NAB2: variants seen among roughly 807,000 people sequenced by gnomAD.
NAB2 encodes NGFI-A binding protein 2.
Under a neutral mutation model 44.2 loss-of-function variants are expected in NAB2, and 9 were observed. That is an observed-to-expected ratio of 0.20 (90% CI 0.12 to 0.36). The LOEUF is 0.36. NAB2 is among the 10% of genes least tolerant of loss of function. NAB2 has a pLI of 1.00. For synonymous variants in NAB2, 342 were observed against 291.0 expected, an observed-to-expected ratio of 1.18 and a Z score of -1.78; for missense variants, 514 against 709.0, an observed-to-expected ratio of 0.73 and a Z score of 3.12.
intron 2 of NAB2, 99 bp from the exon 3 acceptor site, chr12:57,092,348 GA>G: frequency 6.7e-7 from 1 of 1,492,620 alleles, no homozygotes; most frequent in East Asian, 2.3e-5. Context: ...GCGTCTGATG[GA>G]TGGGCCTCAT....
chr12:57,094,765 C>T lies in NAB2; in HGVS notation c.*44C>T. ...CAGACCCAGGACCTCAGACTTCTGG[C>T]TCACACAGACCCCCACGCTCTCCAT... On this transcript the variant is annotated 3_prime_UTR_variant, in exon 7 of 7. Coordinates refer to ENST00000300131, the MANE Select transcript of NAB2 (RefSeq NM_005967.4). The T allele has an allele frequency of 6.8e-7, 1 of 1,466,054 alleles. No homozygotes were observed. Among genetic ancestry groups the T allele is most frequent in the Non-Finnish European group, 9.3e-7 (1 of 1,078,574 alleles). The allele number at this position is 1,466,054 out of a possible 1,614,324, so 90.8% of individuals were successfully genotyped here. A position where few individuals can be genotyped will look rare whatever the true frequency, so the allele number is the denominator to read the frequency against.
At chr12:57,090,629 C>G (rs1475438801) in intron 1 of NAB2, among the ~76,000 whole-genome samples, 1 of 152,248 alleles carries the variant, frequency 6.6e-6, no homozygotes, top group Non-Finnish European at 1.5e-5. Context: ...GGCCCCTTCA[C>G]AGGGAATGAA....
At chr12:57,094,571 A>T in intron 6 of NAB2, 41 bp from the exon 7 acceptor site, 1 of 1,469,466 alleles carries the variant, frequency 6.8e-7, no homozygotes, top group Non-Finnish European at 9.3e-7. Context: ...GTCTGCAGCC[A>T]GTCACCCTGC....
Position 57,093,604 on chromosome 12 carries a change from G to GCAGC in NAB2, c.1468+11_1468+14dup. 6.7e-7 allele frequency: 1 copy of GCAGC among 1,500,734 alleles called. No individual in the cohort carries two copies. The highest frequency in any genetic ancestry group is 8.9e-7 in the Non-Finnish European group (1 of 1,124,490). 93.0% of individuals were successfully genotyped at this position (1,500,734 alleles called of 1,614,324 possible). On this transcript the variant is annotated splice_region_variant and intron_variant, in intron 6 of 6. Transcript: ENST00000300131. ...TGCGAAGCCACCTCTCGCAGGTGAG[G>GCAGC]CAGCCAGCAGTGCTGTCCCCAAGCA... is the stretch of plus-strand genomic sequence containing the variant.
At position 57,091,638 on chromosome 12, in the gene NAB2, A is replaced by G. The variant is rs781707536; in HGVS notation, c.597A>G (p.Gly199=). The G allele has an allele frequency of 3.7e-6, 6 of 1,606,446 alleles. No individual in the cohort carries two copies. In the South Asian group the frequency reaches 6.6e-5, roughly 18 times the overall value. The change falls in exon 2 of 7, where the codon GGA becomes GGG. Residue 199 remains glycine (G), a synonymous_variant. Transcript: ENST00000300131. The surrounding 1 kb of genome is among the most constrained non-coding windows in gnomAD (Gnocchi z 7.3). The part of the protein sequence containing the change: ...STPESDVGAG[G]EEEAGSPPFS... ...CAGAGTCGGACGTTGGGGCAGGAGG[A>G]GAAGAGGAGGCTGGCTCGCCCCCCT...
intron 6 of NAB2, among the ~76,000 whole-genome samples, chr12:57,094,253 G>T (rs981636270): frequency 2.7e-5 from 4 of 149,322 alleles, no homozygotes; most frequent in Non-Finnish European, 4.5e-5. Flanking sequence ...GGAGGGGCCT[G>T]GGAGGGGGCC....
In NAB2 at chr12:57,093,413, G is replaced by C; in HGVS notation, c.1283G>C (p.Gly428Ala). Residue 428 changes from glycine to alanine, a missense_variant, in exon 6 of 7, where the codon GGG becomes GCG. Physicochemically the swap from Gly to Ala is moderately conservative, Grantham distance 60. Coordinates refer to ENST00000300131, the MANE Select transcript of NAB2 (RefSeq NM_005967.4). ...CCAGTGCCCATGCCCACAGCTGTGGGGTCATGTCCAAGGCTGACGCCGCCC... is the reference window on the plus strand; with the variant it reads ...CCAGTGCCCATGCCCACAGCTGTGGCGTCATGTCCAAGGCTGACGCCGCCC... ...ESLDGHLQAV[G>A]SCPRLTPPPA... 13 of 1,572,526 alleles carry C rather than the reference G, an allele frequency of 8.3e-6. No individual in the cohort carries two copies. Among genetic ancestry groups the C allele is most frequent in the Non-Finnish European group, 1.0e-5 (12 of 1,160,804 alleles).
At position 57,094,793 on chromosome 12, in the gene NAB2, C is replaced by A; in HGVS notation, c.*72C>A. ...ACACAGACCCCCACGCTCTCCATCCCCGGAATCTAGTCACAACCCTGGATC... is the reference window on the plus strand; with the variant it reads ...ACACAGACCCCCACGCTCTCCATCCACGGAATCTAGTCACAACCCTGGATC... On this transcript the variant is annotated 3_prime_UTR_variant, in exon 7 of 7. Transcript: ENST00000300131. 1.6e-6 allele frequency: 2 copies of A among 1,279,266 alleles called. No individual in the cohort carries two copies. The allele number at this position is 1,279,266 out of a possible 1,614,324, so 79.2% of individuals were successfully genotyped here.
In NAB2 at chr12:57,093,524, G is replaced by A. The variant is rs1194489158; in HGVS notation, c.1394G>A (p.Arg465Gln). Reference protein sequence around the residue: ...LQQTLMDEGLRLARLVSHDRV... With the variant: ...LQQTLMDEGLQLARLVSHDRV... ...CAGACACTGATGGACGAGGGGCTGC[G>A]GCTCGCCCGCCTCGTCTCCCACGAC... Residue 465 changes from arginine (R) to glutamine (Q), a missense_variant, in exon 6 of 7, where the codon CGG becomes CAG. By Grantham distance (43) the Arg-to-Gln change is conservative (BLOSUM62 1). This residue lies in a region of NAB2 where 194 missense variants were observed against 223.9 expected (regional missense o/e 0.87). Transcript: ENST00000300131. 4 of 1,562,434 alleles carry A rather than the reference G, an allele frequency of 2.6e-6. No homozygotes were observed. Among genetic ancestry groups the A allele is most frequent in the Admixed American group, 1.9e-5 (1 of 52,512 alleles).
At chr12:57,092,619 C>T (rs755079854) in intron 3 of NAB2, 38 bp downstream of exon 3, 1 of 1,610,274 alleles carries the variant, frequency 6.2e-7, no homozygotes, top group South Asian at 1.1e-5. Context: ...GGACTGGAAT[C>T]CTGCTATGGA....
At chr12:57,093,634 G>GA in intron 6 of NAB2, 36 bp downstream of exon 6, 2 of 1,451,156 alleles carry the variant, frequency 1.4e-6, no homozygotes, top group South Asian at 1.4e-5. Context: ...CAAGCACCCC[G>GA]GCCACTCAGG....
At position 57,093,423 on chromosome 12, in the gene NAB2, A is replaced by G; in HGVS notation, c.1293A>G (p.Pro431=). The change falls in exon 6 of 7, where the codon CCA becomes CCG. Residue 431 remains proline, a synonymous_variant. Transcript: ENST00000300131. ...DGHLQAVGSC[P]RLTPPPADLP... Reference sequence around the variant, plus strand: ...TGCCCACAGCTGTGGGGTCATGTCCAAGGCTGACGCCGCCCCCTGCTGACC... The same window carrying G: ...TGCCCACAGCTGTGGGGTCATGTCCGAGGCTGACGCCGCCCCCTGCTGACC... 6.3e-7 allele frequency: 1 copy of G among 1,583,646 alleles called. No individual in the cohort carries two copies. Among genetic ancestry groups the G allele is most frequent in the South Asian group, 1.2e-5 (1 of 85,614 alleles).
Position 57,092,953 on chromosome 12 carries a change from G to A in NAB2, c.1128G>A (p.Lys376=), listed in dbSNP as rs958189063. 1 of 1,614,180 alleles carries A rather than the reference G, an allele frequency of 6.2e-7. No homozygotes were observed. The highest frequency in any genetic ancestry group is 8.5e-7 in the Non-Finnish European group (1 of 1,180,024). Residue 376 remains lysine, a synonymous_variant, in exon 4 of 7, where the codon AAG becomes AAA. Coordinates refer to ENST00000300131, the MANE Select transcript of NAB2 (RefSeq NM_005967.4). ...HPEELGGPPL[K]KLKQEVGEQS... is the part of the protein sequence containing the mutation. ...AAGAACTGGGAGGCCCTCCACTGAA[G>A]AAGCTGAAACAAGAGGTATGTTTTC...
chr12:57,091,108 G>C lies in NAB2; in HGVS notation c.84-17G>C. ...GACTTGCACCGACTGCCTCTCTCTTGTGCCCCTCCTTCTCAGGCCCAGTGC... is the reference window on the plus strand; with the variant it reads ...GACTTGCACCGACTGCCTCTCTCTTCTGCCCCTCCTTCTCAGGCCCAGTGC... On this transcript the variant is annotated splice_polypyrimidine_tract_variant and intron_variant, in intron 1 of 6. Transcript: ENST00000300131. This position sits in a 1 kb window ranked among gnomAD's most constrained non-coding sequence, Gnocchi z 7.3. The C allele has an allele frequency of 1.3e-6, 2 of 1,506,990 alleles. No individual in the cohort carries two copies. Among genetic ancestry groups the C allele is most frequent in the East Asian group, 2.3e-5 (1 of 43,844 alleles). The allele number at this position is 1,506,990 out of a possible 1,614,324, so 93.4% of individuals were successfully genotyped here. A position where few individuals can be genotyped will look rare whatever the true frequency, so the allele number is the denominator to read the frequency against.
In NAB2 at chr12:57,091,031, G is replaced by A; in HGVS notation, c.84-94G>A. On this transcript the variant is annotated intron_variant, in intron 1 of 6. Coordinates refer to ENST00000300131, the MANE Select transcript of NAB2 (RefSeq NM_005967.4). The surrounding 1 kb of genome is among the most constrained non-coding windows in gnomAD (Gnocchi z 7.3). ...ATCCAAATGAGGGAGGGGAAGAAAA[G>A]CAGGCAGGAAAGAGGGAACAATTGT... is the stretch of plus-strand genomic sequence containing the variant. 1.8e-6 allele frequency: 2 copies of A among 1,117,056 alleles called. No individual in the cohort carries two copies. Among genetic ancestry groups the A allele is most frequent in the Non-Finnish European group, 2.5e-6 (2 of 791,768 alleles). 69.2% of individuals were successfully genotyped at this position (1,117,056 alleles called of 1,614,324 possible).
In NAB2 at chr12:57,089,277, C is replaced by T. The variant is rs765745864; in HGVS notation, c.6C>T (p.His2=). M[H]RAPSPTAEQP... ...CGGGTGATCTCCGGCCGTCCATGCA[C>T]AGAGCGCCTTCCCCCACAGCCGAGC... The change falls in exon 1 of 7, where the codon CAC becomes CAT. Residue 2 remains histidine (H), a synonymous_variant. Transcript: ENST00000300131. 9 of 1,574,624 alleles carry T rather than the reference C, an allele frequency of 5.7e-6. No homozygotes were observed. The South Asian group carries it at 1.0e-4, about 18-fold the overall frequency.
In NAB2 at chr12:57,094,503, T is replaced by G. The variant is rs113002133; in HGVS notation, c.1469-109T>G. The G allele has an allele frequency of 1.0e-3, 889 of 892,406 alleles. 5 individuals carry two copies. The highest frequency in any genetic ancestry group is 1.0e-3 in the Non-Finnish European group (561 of 556,052). 55.3% of individuals were successfully genotyped at this position (892,406 alleles called of 1,614,324 possible). Reference sequence around the variant, plus strand: ...GCAGGAGGCAGTAATTCAATAAACCTAAACTGAGCCCATCTTCACAGCTTT... The same window carrying G: ...GCAGGAGGCAGTAATTCAATAAACCGAAACTGAGCCCATCTTCACAGCTTT... On this transcript the variant is annotated intron_variant, in intron 6 of 6. Transcript: ENST00000300131.
intron 1 of NAB2, among the ~76,000 whole-genome samples, chr12:57,090,447 A>G (rs903770148): frequency 1.3e-5 from 2 of 152,288 alleles, no homozygotes; most frequent in East Asian, 1.9e-4. Context: ...ACTGCACTCC[A>G]GCCTGGGTGA....
At chr12:57,090,564 G>C (rs997844302) in intron 1 of NAB2, among the ~76,000 whole-genome samples, 1 of 152,236 alleles carries the variant, frequency 6.6e-6, no homozygotes, top group Non-Finnish European at 1.5e-5. Context: ...CTGGCTCACT[G>C]AGTGGGAAAG....
Sources: gnomAD v4.1 joint callset for allele counts (sites outside exome capture counted in the v4.1 genomes callset) on GRCh38, gnomAD v4.1.1 for gene constraint, gnomAD v4.1.1 regional missense constraint, Gnocchi (gnomAD v3.1) non-coding constraint, MANE v1.5 for transcripts, NCBI Gene and HGNC (gene_info 2026-07-23, HGNC 2026-07-21) for gene names.